Variants in MEGF6 observed in about 807,000 individuals in gnomAD.
MEGF6 encodes multiple epidermal growth factor-like domains protein 6.
A neutral mutation model predicts 207.1 loss-of-function variants in MEGF6; 184 were observed. That is an observed-to-expected ratio of 0.89 (90% CI 0.79 to 1.00). MEGF6 has a LOEUF of 1.00. Among genes scored for constraint, MEGF6 ranks in the 50% least tolerant of loss-of-function variants. The probability of loss-of-function intolerance (pLI) is 0.00; values close to 1 mark genes in which losing one functional copy is unlikely to be tolerated. For synonymous variants in MEGF6, 1,038 were observed against 910.0 expected (o/e 1.14, Z -2.53); for missense variants, 2,282 against 2,202.9 (o/e 1.04, Z -0.72).
At chr1:3,492,880 G>T in intron 34 of MEGF6, 113 bp from the exon 35 acceptor site, 2 of 1,438,530 alleles carry the variant, frequency 1.4e-6, no homozygotes, top group Non-Finnish European at 1.9e-6. Flanking sequence ...GAAGCCTTCT[G>T]CCTGGGTGTG....
intron 2 of MEGF6, 52 bp downstream of exon 2, chr1:3,602,414 C>G: frequency 6.2e-7 from 1 of 1,611,086 alleles, no homozygotes; most frequent in Non-Finnish European, 8.5e-7. Flanking sequence ...GTGGTCAGTG[C>G]CGCCCTTTGT....
chr1:3,497,818 C>T (rs1377347907), intron 26 of MEGF6, among the ~76,000 whole-genome samples: 1 of 152,188 alleles, frequency 6.6e-6, no homozygotes, highest in African/African-American at 2.4e-5. Context: ...AAGGGACCGC[C>T]CAAGTTGTAC....
chr1:3,526,351 C>A (rs1008377099), intron 4 of MEGF6, among the ~76,000 whole-genome samples: 2 of 152,124 alleles, frequency 1.3e-5, no homozygotes, highest in Non-Finnish European at 2.9e-5. Context: ...ATGGGCATTG[C>A]CCCAGCCACC....
At chr1:3,572,132 C>T (rs1643517453) in intron 4 of MEGF6, among the ~76,000 whole-genome samples, 1 of 141,608 alleles carries the variant, frequency 7.1e-6, no homozygotes, top group Non-Finnish European at 1.5e-5. Context: ...GTTAGGTTCT[C>T]CCAGCTATGC....
intron 3 of MEGF6, among the ~76,000 whole-genome samples, chr1:3,585,697 TATGTCCTGTGTGTGGGTGTGAGGACGC>T (rs1643883773): frequency 3.4e-5 from 4 of 118,186 alleles, no homozygotes; most frequent in Non-Finnish European, 5.0e-5. Context: ...GGGTGTGACA[TATGTCCTGTGTGTGGGTGTGAGGACGC>T]ATGTCCTGTG....
rs961083827 is a variant in MEGF6 at position 3,595,056 on chromosome 1, A to G, written c.376+282T>C. Among the ~76,000 whole-genome samples the G allele has an allele frequency of 2.0e-5, 3 of 151,528 alleles. No individual in the cohort carries two copies. In the East Asian group the frequency reaches 5.8e-4, roughly 29 times the overall value. ...AGACACCAATGCATGGCCCCAGGAA[A>G]CCCTCAGACACCCTGCCAATGGCAG... On this transcript the variant is annotated intron_variant, in intron 3 of 36. Transcript: ENST00000356575.
Position 3,579,929 on chromosome 1 carries a change from G to A in MEGF6, c.377C>T (p.Ala126Val), listed in dbSNP as rs1029034854. 1.3e-6 allele frequency: 2 copies of A among 1,520,840 alleles called. No homozygotes were observed. The highest frequency in any genetic ancestry group is 2.4e-5 in the Admixed American group (1 of 41,544). The allele number at this position is 1,520,840 out of a possible 1,614,324, so 94.2% of individuals were successfully genotyped here. A position where few individuals can be genotyped will look rare whatever the true frequency, so the allele number is the denominator to read the frequency against. ...AAAACAGAGGCTGGCGCTGCATTCA[G>A]CTGCGGAGGGAAGGAGAAAATCGGT... is the stretch of plus-strand genomic sequence containing the variant. ...QQPDEEGCLS[A>V]ECSASLCFHG... Residue 126 changes from alanine to valine, a missense_variant and splice_region_variant, in exon 4 of 37, where the codon GCT becomes GTT. Ala to Val is a moderately conservative substitution (Grantham distance 64). Transcript: ENST00000356575.
At chr1:3,584,590 G>A (rs768083236) in intron 3 of MEGF6, among the ~76,000 whole-genome samples, 2 of 152,198 alleles carry the variant, frequency 1.3e-5, no homozygotes, top group Non-Finnish European at 2.9e-5. Flanking sequence ...GGTGACTGGC[G>A]CCACGTCTGT....
intron 7 of MEGF6, among the ~76,000 whole-genome samples, 176 bp from the exon 8 acceptor site, chr1:3,512,304 C>G (rs1292134419): frequency 6.6e-6 from 1 of 152,254 alleles, no homozygotes; most frequent in Non-Finnish European, 1.5e-5. Flanking sequence ...TGCAGGTCCC[C>G]TGGGATGAAG....
chr1:3,545,712 C>T (rs1266146531), intron 4 of MEGF6, among the ~76,000 whole-genome samples: 3 of 152,172 alleles, frequency 2.0e-5, no homozygotes, highest in Non-Finnish European at 2.9e-5. Flanking sequence ...AGCGGGGGTC[C>T]GGGAGCTGGC....
chr1:3,520,858 T>C (rs979968337), intron 5 of MEGF6, among the ~76,000 whole-genome samples: 21 of 152,174 alleles, frequency 1.4e-4, no homozygotes, highest in Non-Finnish European at 3.1e-4. Context: ...AAGGCCCCTC[T>C]GGAGTGTTTT....
chr1:3,543,811 C>A (rs551320544), intron 4 of MEGF6, among the ~76,000 whole-genome samples: 1 of 152,224 alleles, frequency 6.6e-6, no homozygotes, highest in South Asian at 2.1e-4. Context: ...GGTCGAGGCC[C>A]GGGCCTAATG....
intron 4 of MEGF6, among the ~76,000 whole-genome samples, chr1:3,578,171 C>T (rs1224085813): frequency 6.6e-6 from 1 of 152,218 alleles, no homozygotes; most frequent in Admixed American, 6.5e-5. Flanking sequence ...CCCCTAGGAA[C>T]AGAGACCACA....
intron 1 of MEGF6, among the ~76,000 whole-genome samples, chr1:3,603,030 T>C: frequency 6.6e-6 from 1 of 152,124 alleles, no homozygotes; most frequent in South Asian, 2.1e-4. Flanking sequence ...CTGATGTTGC[T>C]GGGGCACATG....
upstream of MEGF6, among the ~76,000 whole-genome samples, chr1:3,616,042 T>C (rs1050312599): frequency 3.3e-5 from 5 of 152,200 alleles, no homozygotes; most frequent in Admixed American, 1.3e-4. Flanking sequence ...AAAAACAGCC[T>C]TTGGATGGAG....
chr1:3,610,512 C>CA lies in MEGF6; in HGVS notation c.131+625_131+626insT, dbSNP rs60239345. On this transcript the variant is annotated intron_variant, in intron 1 of 36. Coordinates refer to ENST00000356575, the MANE Select transcript of MEGF6 (RefSeq NM_001409.4). Reference sequence around the variant, plus strand: ...CTCCTCCTCCTCCTCCACTGCCGCACGTTTTCCTTTGAGGCCAACACAAGG... The same window carrying CA: ...CTCCTCCTCCTCCTCCACTGCCGCACAGTTTTCCTTTGAGGCCAACACAAGG... Among the ~76,000 whole-genome samples the CA allele has an allele frequency of 2.7e-3, 411 of 152,210 alleles. 3 individuals carry two copies. Among genetic ancestry groups the CA allele is most frequent in the African/African-American group, 6.8e-3 (284 of 41,512 alleles).
chr1:3,592,387 G>A (rs1026784791), intron 3 of MEGF6, among the ~76,000 whole-genome samples: 5 of 151,966 alleles, frequency 3.3e-5, no homozygotes, highest in East Asian at 1.9e-4. Context: ...AGACACTCCC[G>A]CAGTCCCCAG....
intron 4 of MEGF6, among the ~76,000 whole-genome samples, chr1:3,566,692 G>A (rs1455979902): frequency 1.3e-5 from 2 of 152,216 alleles, no homozygotes; most frequent in Non-Finnish European, 2.9e-5. Context: ...AGCTGGAAAT[G>A]GCTGGGGCTG....
At chr1:3,616,682 G>A in the MEGF6 span, among the ~76,000 whole-genome samples, 19 of 152,302 alleles carry the variant, frequency 1.2e-4, no homozygotes, top group East Asian at 3.9e-4. Context: ...TTGGGTAGCC[G>A]ACTCTGAATT....
Sources: allele counts gnomAD v4.1 joint callset (sites outside exome capture counted in the v4.1 genomes callset), GRCh38; gene constraint gnomAD v4.1.1; transcripts MANE v1.5; gene names NCBI Gene and HGNC (gene_info 2026-07-23, HGNC 2026-07-21).